The following PTPRQ variants were observed in gnomAD, a reference collection of about 807,000 sequenced individuals.
PTPRQ encodes the protein protein tyrosine phosphatase receptor type Q, also known as phosphatidylinositol phosphatase PTPRQ.
Under a neutral mutation model 246.0 loss-of-function variants are expected in PTPRQ, and 199 were observed. That is an observed-to-expected ratio of 0.81 (90% CI 0.72 to 0.91). PTPRQ has a LOEUF of 0.91. Ranked by LOEUF, PTPRQ falls within the 40% of genes least tolerant of loss-of-function variation. The pLI, the probability that PTPRQ is intolerant of heterozygous loss-of-function variation, is 0.00. For missense variants in PTPRQ, 2,624 were observed against 2,528.4 expected (o/e 1.04, Z -0.81); for synonymous variants, 869 against 853.2 (o/e 1.02, Z -0.32).
chr12:80,480,851 A>C (rs1278477979), intron 8 of PTPRQ, among the ~76,000 whole-genome samples: 3 of 152,326 alleles, frequency 2.0e-5, no homozygotes, highest in South Asian at 2.1e-4. Flanking sequence ...GAATAGACCA[A>C]TAACAGGCTC....
chr12:80,514,806 A>G (rs1895242448), intron 17 of PTPRQ, among the ~76,000 whole-genome samples: 1 of 146,726 alleles, frequency 6.8e-6, no homozygotes, highest in Non-Finnish European at 1.5e-5. Context: ...TTCTTATTGT[A>G]TTTCTGCAAT....
At chr12:80,650,077 C>G (rs891621875) in intron 37 of PTPRQ, among the ~76,000 whole-genome samples, 1 of 151,896 alleles carries the variant, frequency 6.6e-6, no homozygotes, top group African/African-American at 2.4e-5. Context: ...TTTCATTTTA[C>G]GTTTACCTAC....
intron 28 of PTPRQ, 31 bp downstream of exon 28, chr12:80,610,656 T>G: frequency 4.6e-6 from 7 of 1,537,586 alleles, no homozygotes; most frequent in Non-Finnish European, 6.1e-6. Flanking sequence ...TTGCTAAAAA[T>G]TGACTGAGAT....
intron 17 of PTPRQ, among the ~76,000 whole-genome samples, chr12:80,523,299 C>A (rs184205959): frequency 0.03 from 4,550 of 152,114 alleles, 260 homozygotes; most frequent in African/African-American, 0.1. Context: ...TTTTGTTGAT[C>A]TTTTCAAAAA....
At chr12:80,466,690 T>A (rs954716305) in intron 6 of PTPRQ, among the ~76,000 whole-genome samples, 6 of 152,126 alleles carry the variant, frequency 3.9e-5, no homozygotes, top group African/African-American at 7.2e-5. Context: ...CAGAGCCCTC[T>A]GAAATAACGC....
chr12:80,625,818 C>A (rs1337286676), intron 33 of PTPRQ, among the ~76,000 whole-genome samples: 1 of 152,040 alleles, frequency 6.6e-6, no homozygotes, highest in Admixed American at 6.6e-5. Flanking sequence ...TGAGTATTGG[C>A]ATTTTTATTA....
intron 27 of PTPRQ, among the ~76,000 whole-genome samples, chr12:80,607,981 G>A (rs923927980): frequency 1.3e-5 from 2 of 150,780 alleles, no homozygotes; most frequent in African/African-American, 4.8e-5. Context: ...AGAGTTTGAG[G>A]TATGAAGTTT....
At chr12:80,527,138 C>T (rs1005963252) in intron 17 of PTPRQ, among the ~76,000 whole-genome samples, 1 of 151,862 alleles carries the variant, frequency 6.6e-6, no homozygotes, top group Non-Finnish European at 1.5e-5. Context: ...TATTTCTTGA[C>T]TAAATGTGTT....
chr12:80,551,430 T>C (rs1592643900), intron 25 of PTPRQ, among the ~76,000 whole-genome samples: 1 of 152,190 alleles, frequency 6.6e-6, no homozygotes, highest in East Asian at 1.9e-4. Context: ...AATAACATCT[T>C]AACTAGCCTT....
intron 35 of PTPRQ, among the ~76,000 whole-genome samples, chr12:80,642,148 T>C (rs1234357058): frequency 1.3e-5 from 2 of 152,210 alleles, no homozygotes; most frequent in Non-Finnish European, 2.9e-5. Context: ...ACATACGTCA[T>C]ACTATTTAAA....
At chr12:80,573,414 G>A (rs1022601685) in intron 25 of PTPRQ, among the ~76,000 whole-genome samples, 3 of 152,100 alleles carry the variant, frequency 2.0e-5, no homozygotes, top group Admixed American at 6.5e-5. Flanking sequence ...GCGTGAACCC[G>A]GGAGGTGGAG....
intron 25 of PTPRQ, among the ~76,000 whole-genome samples, chr12:80,568,115 T>A (rs1938648099): frequency 6.6e-6 from 1 of 152,156 alleles, no homozygotes; most frequent in Non-Finnish European, 1.5e-5. Context: ...ATCCTAATAA[T>A]CAATGTAGAA....
intron 34 of PTPRQ, 134 bp from the exon 35 acceptor site, chr12:80,634,811 T>G: frequency 7.7e-7 from 1 of 1,295,932 alleles, no homozygotes; most frequent in Non-Finnish European, 1.0e-6. Flanking sequence ...GCTATAAATT[T>G]GCAACATATT....
chr12:80,648,872 G>A (rs1358419845), intron 35 of PTPRQ, 25 bp from the exon 36 acceptor site: 40 of 1,522,844 alleles, frequency 2.6e-5, no homozygotes, highest in Non-Finnish European at 3.4e-5. Context: ...GACTCACAAT[G>A]CATTTAACAC....
At chr12:80,533,016 G>A (rs535673410) in intron 17 of PTPRQ, among the ~76,000 whole-genome samples, 99 of 152,048 alleles carry the variant, frequency 6.5e-4, no homozygotes, top group Non-Finnish European at 1.2e-3. Context: ...TCTATTCAGA[G>A]GGAATATTCA....
intron 42 of PTPRQ, among the ~76,000 whole-genome samples, chr12:80,672,838 G>A (rs1901013102): frequency 6.6e-6 from 1 of 151,952 alleles, no homozygotes; most frequent in African/African-American, 2.4e-5. Flanking sequence ...TCAATACAGA[G>A]TCTCTGGTAT....
chr12:80,564,552 A>AAGT (rs1399888198), intron 25 of PTPRQ, among the ~76,000 whole-genome samples: 5 of 152,196 alleles, frequency 3.3e-5, no homozygotes, highest in African/African-American at 1.2e-4. Flanking sequence ...AACACATATT[A>AAGT]AGTGCTGTGG....
At chr12:80,557,182 G>T (rs1365721619) in intron 25 of PTPRQ, among the ~76,000 whole-genome samples, 1 of 151,924 alleles carries the variant, frequency 6.6e-6, no homozygotes, top group Non-Finnish European at 1.5e-5. Flanking sequence ...GGCCCATAAA[G>T]CCCTTCTTCT....
intron 25 of PTPRQ, among the ~76,000 whole-genome samples, chr12:80,587,920 A>G (rs551079962): frequency 6.6e-6 from 1 of 152,234 alleles, no homozygotes; most frequent in African/African-American, 2.4e-5. Context: ...AATAAATTAC[A>G]ATTATTTTGT....
Sources: gnomAD v4.1 joint callset for allele counts (sites outside exome capture counted in the v4.1 genomes callset) on GRCh38, gnomAD v4.1.1 for gene constraint, MANE v1.5 for transcripts, NCBI Gene and HGNC (gene_info 2026-07-23, HGNC 2026-07-21) for gene names.